RANBP3: variants seen among roughly 807,000 people sequenced by gnomAD.
RANBP3 encodes RAN binding protein 3, also known as ran-binding protein 3.
A neutral mutation model predicts 77.3 loss-of-function variants in RANBP3; 14 were observed. The observed-to-expected ratio is 0.18, with a 90% CI of 0.12 to 0.28. The LOEUF is 0.28. Among genes scored for constraint, RANBP3 ranks in the 10% least tolerant of loss-of-function variants. RANBP3 has a pLI of 1.00. For missense variants in RANBP3, 586 were observed against 752.3 expected (o/e 0.78, Z 2.59); for synonymous variants, 315 against 312.4 (o/e 1.01, Z -0.09).
rs774806187 is a variant in RANBP3, at chr19:5,925,617, G to A, written c.917+17C>T. The A allele has an allele frequency of 9.3e-6, 15 of 1,611,016 alleles. No homozygotes were observed. The highest frequency in any genetic ancestry group is 1.3e-5 in the Non-Finnish European group (15 of 1,178,024). On this transcript the variant is annotated intron_variant, in intron 10 of 16. Transcript: ENST00000340578. ...GCATCGCCATGCCAGGCTGGCCGCT[G>A]ACACCGAGACACACACCTGGAACTG...
At chr19:5,918,879 G>A (rs2057780809) in intron 14 of RANBP3, among the ~76,000 whole-genome samples, 1 of 152,240 alleles carries the variant, frequency 6.6e-6, no homozygotes, top group African/African-American at 2.4e-5. Flanking sequence ...GCAGGTGGCT[G>A]CACAGGCTGG....
chr19:5,951,177 C>T (rs948597126), intron 3 of RANBP3, among the ~76,000 whole-genome samples: 1 of 152,152 alleles, frequency 6.6e-6, no homozygotes, highest in African/African-American at 2.4e-5. Flanking sequence ...TATATTCCCA[C>T]GGCAATTTAG....
At chr19:5,946,819 C>A (rs779639858) in intron 3 of RANBP3, among the ~76,000 whole-genome samples, 3 of 152,238 alleles carry the variant, frequency 2.0e-5, no homozygotes, top group Non-Finnish European at 4.4e-5. Flanking sequence ...GCCCTGCACA[C>A]AGCCAATGCC....
chr19:5,958,227 A>C lies in RANBP3; in HGVS notation c.23-254T>G. Among the ~76,000 whole-genome samples the C allele has an allele frequency of 6.6e-6, 1 of 152,004 alleles. No individual in the cohort carries two copies. The highest frequency in any genetic ancestry group is 1.9e-4 in the East Asian group (1 of 5,186). On this transcript the variant is annotated intron_variant, in intron 1 of 16. Transcript: ENST00000340578. The surrounding 1 kb of genome is among the most constrained non-coding windows in gnomAD (Gnocchi z 4.4). Reference sequence around the variant, plus strand: ...TTATCATCAATAAGGAGTTTTCAAGACTCACTGAGAGCGGGCGTGTAAATG... The same window carrying C: ...TTATCATCAATAAGGAGTTTTCAAGCCTCACTGAGAGCGGGCGTGTAAATG...
intron 3 of RANBP3, among the ~76,000 whole-genome samples, chr19:5,943,867 G>A (rs1031347301): frequency 2.0e-5 from 3 of 152,174 alleles, no homozygotes; most frequent in Non-Finnish European, 4.4e-5. Context: ...AGTCCAAAAC[G>A]CAATGCCATC....
chr19:5,975,482 G>A (rs1309663828), intron 1 of RANBP3, among the ~76,000 whole-genome samples: 1 of 151,572 alleles, frequency 6.6e-6, no homozygotes, highest in African/African-American at 2.4e-5. Flanking sequence ...CTCACAACAG[G>A]GTCCTCACTG....
At chr19:5,942,720 A>AC (rs965683889) in intron 3 of RANBP3, among the ~76,000 whole-genome samples, 17 of 140,412 alleles carry the variant, frequency 1.2e-4, no homozygotes, top group African/African-American at 4.5e-4. Context: ...AAAAAAAAAA[A>AC]CAAAAGGACT....
rs781738168 is a variant in RANBP3, at chr19:5,923,284, T to G, written c.1119A>C (p.Ala373=). 6.2e-7 allele frequency: 1 copy of G among 1,614,230 alleles called. No homozygotes were observed. Among genetic ancestry groups the G allele is most frequent in the South Asian group, 1.1e-5 (1 of 91,084 alleles). Residue 373 remains alanine (A), a synonymous_variant, in exon 13 of 17, where the codon GCA becomes GCC. Coordinates refer to ENST00000340578, the MANE Select transcript of RANBP3 (RefSeq NM_007322.3). Reference sequence around the variant, plus strand: ...GCGCTGTTGCCTTGGTGTAGGCGGCTGCCGACTCAGCCAGGGACTCTGAAA... The same window carrying G: ...GCGCTGTTGCCTTGGTGTAGGCGGCGGCCGACTCAGCCAGGGACTCTGAAA... ...TPEKESLAES[A]AAYTKATARK... is the part of the protein sequence containing the mutation.
chr19:5,968,179 A>C (rs1005845270), intron 1 of RANBP3, among the ~76,000 whole-genome samples: 4 of 152,202 alleles, frequency 2.6e-5, no homozygotes, highest in African/African-American at 9.7e-5. Context: ...TAGAGACAAC[A>C]GGAATCCCCT....
At position 5,937,056 on chromosome 19, in the gene RANBP3, CAAAAAAAAAAAAAAAA is replaced by C. The variant is rs71172783; in HGVS notation, c.407-3593_407-3578del. ...GGGCAACAGAGCAAGACTCTGTCTC[CAAAAAAAAAAAAAAAA>C]AAAAAAAAAAAAGGAAGAAAATCCC... On this transcript the variant is annotated intron_variant, in intron 5 of 16. Coordinates refer to ENST00000340578, the MANE Select transcript of RANBP3 (RefSeq NM_007322.3). Among the ~76,000 whole-genome samples the C allele has an allele frequency of 1.1e-4, 4 of 37,160 alleles. 1 individual carries two copies. The highest frequency in any genetic ancestry group is 5.1e-4 in the Admixed American group (1 of 1,962). 24.4% of individuals were successfully genotyped at this position (37,160 alleles called of 152,430 possible).
chr19:5,965,979 G>A (rs571343062), intron 1 of RANBP3: 7 of 152,314 alleles, frequency 4.6e-5, no homozygotes, highest in African/African-American at 7.2e-5. Context: ...AGGTGGGCCC[G>A]GGTCTTCGGG....
intron 5 of RANBP3, among the ~76,000 whole-genome samples, chr19:5,937,086 G>T: frequency 1.4e-5 from 1 of 71,346 alleles, no homozygotes; most frequent in Non-Finnish European, 2.9e-5. Flanking sequence ...AAAAAAAAAG[G>T]AAGAAAATCC....
intron 3 of RANBP3, among the ~76,000 whole-genome samples, chr19:5,946,858 A>G (rs979672135): frequency 5.9e-5 from 9 of 152,220 alleles, no homozygotes; most frequent in Admixed American, 5.9e-4. Flanking sequence ...TCCTAGACTC[A>G]GCAGCCCAGG....
Position 5,921,954 on chromosome 19 carries a change from A to G in RANBP3, c.1210-633T>C, listed in dbSNP as rs1367765099. Among the ~76,000 whole-genome samples the G allele has an allele frequency of 2.0e-5, 3 of 152,214 alleles. No individual in the cohort carries two copies. The highest frequency in any genetic ancestry group is 4.4e-5 in the Non-Finnish European group (3 of 68,044). On this transcript the variant is annotated intron_variant, in intron 13 of 16. Transcript: ENST00000340578. This position sits in a 1 kb window ranked among gnomAD's most constrained non-coding sequence, Gnocchi z 5.3. ...AGAGAAGCCAGACACGAAAGGCCAC[A>G]TAGTGCGTTGATGCCATTTATATGA...
intron 9 of RANBP3, among the ~76,000 whole-genome samples, chr19:5,926,830 C>T (rs1024002223): frequency 6.6e-6 from 1 of 152,202 alleles, no homozygotes; most frequent in African/African-American, 2.4e-5. Context: ...CATCAACTTT[C>T]CACGTTTCTC....
chr19:5,947,033 G>A (rs749868528), intron 3 of RANBP3, among the ~76,000 whole-genome samples: 2 of 152,214 alleles, frequency 1.3e-5, no homozygotes, highest in Non-Finnish European at 2.9e-5. Context: ...CAAGCTCCAG[G>A]CCGGGCACGG....
chr19:5,954,955 C>T (rs977450048), intron 2 of RANBP3, among the ~76,000 whole-genome samples: 1 of 152,200 alleles, frequency 6.6e-6, no homozygotes, highest in Non-Finnish European at 1.5e-5. Flanking sequence ...TGCTCCTGGC[C>T]TCAGCACAGA....
At chr19:5,922,061 G>C (rs527267304) in intron 13 of RANBP3, among the ~76,000 whole-genome samples, 1 of 152,200 alleles carries the variant, frequency 6.6e-6, no homozygotes, top group African/African-American at 2.4e-5. Flanking sequence ...GAGTTACTGC[G>C]AATGGACAAT....
Position 5,952,464 on chromosome 19 carries a change from G to C in RANBP3, c.79-868C>G, listed in dbSNP as rs1344351761. ...AGGGCTTCCATGGGCTGAGAGCTCT[G>C]TGGCCGTAACTCCAAGACTTTTCTT... On this transcript the variant is annotated intron_variant, in intron 2 of 16. Transcript: ENST00000340578. This position sits in a 1 kb window ranked among gnomAD's most constrained non-coding sequence, Gnocchi z 4.1. Among the ~76,000 whole-genome samples the C allele has an allele frequency of 6.6e-6, 1 of 152,234 alleles. No homozygotes were observed. The highest frequency in any genetic ancestry group is 1.5e-5 in the Non-Finnish European group (1 of 68,040).
Sources: gnomAD v4.1 joint callset for allele counts (sites outside exome capture counted in the v4.1 genomes callset) on GRCh38, gnomAD v4.1.1 for gene constraint, Gnocchi (gnomAD v3.1) non-coding constraint, MANE v1.5 for transcripts, NCBI Gene and HGNC (gene_info 2026-07-23, HGNC 2026-07-21) for gene names.